The following CELF2 variants were observed in gnomAD, a reference collection of about 807,000 sequenced individuals.
CELF2 encodes CUG triplet repeat RNA-binding protein 2.
A neutral mutation model predicts 62.6 loss-of-function variants in CELF2; 8 were observed. That is an observed-to-expected ratio of 0.13 (90% CI 0.07 to 0.23). CELF2 has a LOEUF of 0.23. Ranked by LOEUF, CELF2 falls within the 10% of genes least tolerant of loss-of-function variation. The pLI, the probability that CELF2 is intolerant of heterozygous loss-of-function variation, is 1.00. For synonymous variants in CELF2, 258 were observed against 250.0 expected (o/e 1.03, Z -0.30); for missense variants, 333 against 671.0 (o/e 0.50, Z 5.56).
the CELF2 span, among the ~76,000 whole-genome samples, chr10:10,519,272 G>A: frequency 6.6e-6 from 1 of 152,152 alleles, no homozygotes; most frequent in Non-Finnish European, 1.5e-5. Flanking sequence ...GTCTCGGGAA[G>A]TTCCATTACA....
intron 8 of CELF2, among the ~76,000 whole-genome samples, chr10:11,279,035 G>A (rs912737357): frequency 6.6e-6 from 1 of 152,192 alleles, no homozygotes; most frequent in African/African-American, 2.4e-5. Flanking sequence ...CACTTCAGAG[G>A]TGGTAACAGG....
chr10:11,063,672 C>T (rs1369115038), intron 1 of CELF2, among the ~76,000 whole-genome samples: 1 of 152,166 alleles, frequency 6.6e-6, no homozygotes, highest in African/African-American at 2.4e-5. Context: ...TTTAAATAAA[C>T]CCTTTTTTTG....
chr10:11,310,160 T>C (rs958058628), intron 9 of CELF2, among the ~76,000 whole-genome samples: 2 of 152,190 alleles, frequency 1.3e-5, no homozygotes, highest in Non-Finnish European at 2.9e-5. Flanking sequence ...TAGGGACCCC[T>C]CTGCTTCTTG....
At chr10:11,045,900 C>T (rs1547222) in intron 1 of CELF2, among the ~76,000 whole-genome samples, 23,048 of 152,140 alleles carry the variant, frequency 0.15, 2,972 homozygotes, top group East Asian at 0.65. Flanking sequence ...TCACAATACC[C>T]GTTAGAATGT....
the CELF2 span, among the ~76,000 whole-genome samples, chr10:10,783,579 AC>A: frequency 1.3e-5 from 2 of 152,164 alleles, no homozygotes; most frequent in African/African-American, 4.8e-5. Context: ...TGTGACAGTG[AC>A]CCCAGGAAAT....
At chr10:10,599,067 A>C in the CELF2 span, among the ~76,000 whole-genome samples, 26 of 151,918 alleles carry the variant, frequency 1.7e-4, no homozygotes, top group East Asian at 5.0e-3. Flanking sequence ...TGATTTTCTA[A>C]TTTTTTAATA....
chr10:10,856,286 A>G (rs868433804), intron 1 of CELF2, among the ~76,000 whole-genome samples: 2 of 152,168 alleles, frequency 1.3e-5, no homozygotes, highest in South Asian at 4.1e-4. Context: ...TATAATGCAA[A>G]TGTTTTATTT....
chr10:10,703,183 C>T, the CELF2 span, among the ~76,000 whole-genome samples: 2 of 152,276 alleles, frequency 1.3e-5, no homozygotes, highest in Admixed American at 6.5e-5. Context: ...TTACCATGTG[C>T]GGGGAACTGT....
At chr10:10,714,911 T>C in the CELF2 span, among the ~76,000 whole-genome samples, 24 of 152,204 alleles carry the variant, frequency 1.6e-4, no homozygotes, top group Non-Finnish European at 2.8e-4. Context: ...TGGAAATAGT[T>C]GTTATTACAA....
chr10:10,910,699 C>CAAAAAAAAAAAA (rs55954207), intron 1 of CELF2, among the ~76,000 whole-genome samples: 14 of 92,140 alleles, frequency 1.5e-4, no homozygotes, highest in Admixed American at 2.9e-4. Context: ...GACTCTGCCT[C>CAAAAAAAAAAAA]AAAAAAAAAA....
rs2094443921 is a variant in CELF2, at chr10:11,309,346, G to C, written c.977-4793G>C. ...ACTGATTTAGCAAGAATAATTCAGTGAAGTCTATTCCCCTGCACTGTGCCT... is the reference window on the plus strand; with the variant it reads ...ACTGATTTAGCAAGAATAATTCAGTCAAGTCTATTCCCCTGCACTGTGCCT... On this transcript the variant is annotated intron_variant, in intron 9 of 12. Transcript: ENST00000633077. This position sits in a 1 kb window ranked among gnomAD's most constrained non-coding sequence, Gnocchi z 5.6. Among the ~76,000 whole-genome samples the C allele has an allele frequency of 6.6e-6, 1 of 152,208 alleles. No individual in the cohort carries two copies. The highest frequency in any genetic ancestry group is 1.5e-5 in the Non-Finnish European group (1 of 68,028).
chr10:11,014,520 G>T (rs2056957904), upstream of CELF2, among the ~76,000 whole-genome samples: 1 of 152,178 alleles, frequency 6.6e-6, no homozygotes, highest in African/African-American at 2.4e-5. Flanking sequence ...ACTGTATTCT[G>T]GTTCACTGAT....
intron 1 of CELF2, among the ~76,000 whole-genome samples, chr10:11,033,692 CT>C (rs1260385004): frequency 1.3e-5 from 2 of 152,176 alleles, no homozygotes; most frequent in Non-Finnish European, 2.9e-5. Context: ...GTAAATTTAG[CT>C]TTTAAAGTTA....
chr10:11,179,281 TAAAAAAA>T (rs10718541), intron 2 of CELF2, among the ~76,000 whole-genome samples: 1 of 149,350 alleles, frequency 6.7e-6, no homozygotes, highest in Non-Finnish European at 1.5e-5. Flanking sequence ...ACTGTACTGT[TAAAAAAA>T]AAAAATCAAA....
At chr10:10,490,058 T>C in the CELF2 span, among the ~76,000 whole-genome samples, 1 of 150,482 alleles carries the variant, frequency 6.6e-6, no homozygotes, top group Admixed American at 6.7e-5. Flanking sequence ...CATTTGATTA[T>C]TCTTCCAGTA....
At chr10:10,598,866 C>A in the CELF2 span, among the ~76,000 whole-genome samples, 1 of 146,904 alleles carries the variant, frequency 6.8e-6, no homozygotes, top group Non-Finnish European at 1.5e-5. Flanking sequence ...CAATTCTCTG[C>A]CTCAGCCTCC....
the CELF2 span, among the ~76,000 whole-genome samples, chr10:10,709,533 G>A: frequency 1.3e-5 from 2 of 152,140 alleles, no homozygotes; most frequent in Admixed American, 1.3e-4. Context: ...TAGGGACTAG[G>A]AAGTAAACCA....
At chr10:10,561,069 A>G in the CELF2 span, among the ~76,000 whole-genome samples, 802 of 152,328 alleles carry the variant, frequency 5.3e-3, 14 homozygotes, top group African/African-American at 0.014. Flanking sequence ...GGTACAGGGT[A>G]TACTGCTCAG....
At chr10:10,949,651 A>G (rs969063745) in intron 2 of CELF2, among the ~76,000 whole-genome samples, 1 of 151,616 alleles carries the variant, frequency 6.6e-6, no homozygotes, top group Non-Finnish European at 1.5e-5. Context: ...AAAAAAAAAA[A>G]TTAGCCAGGC....
Sources: allele counts gnomAD v4.1 joint callset (sites outside exome capture counted in the v4.1 genomes callset), GRCh38; gene constraint gnomAD v4.1.1; non-coding constraint Gnocchi (gnomAD v3.1); transcripts MANE v1.5; gene names NCBI Gene and HGNC (gene_info 2026-07-23, HGNC 2026-07-21).